PCCA: variants seen among roughly 807,000 people sequenced by gnomAD.
PCCA encodes propionyl-CoA carboxylase subunit alpha, also known as propionyl-CoA carboxylase alpha chain, mitochondrial.
A neutral mutation model predicts 101.3 loss-of-function variants in PCCA; 74 were observed. That is an observed-to-expected ratio of 0.73 (90% confidence interval 0.61 to 0.89). The LOEUF is 0.89. PCCA is among the 40% of genes least tolerant of loss of function. The pLI is 0.00. For missense variants in PCCA, 891 were observed against 907.0 expected, an observed-to-expected ratio of 0.98 and a Z score of 0.23; for synonymous variants, 294 against 313.6, an observed-to-expected ratio of 0.94 and a Z score of 0.66.
intron 4 of PCCA, among the ~76,000 whole-genome samples, chr13:100,118,226 A>C (rs1180217263): frequency 6.6e-6 from 1 of 152,174 alleles, no homozygotes; most frequent in Non-Finnish European, 1.5e-5. Flanking sequence ...CATATCTATA[A>C]TACCTTATGA....
chr13:100,191,769 A>G (rs1566672723), intron 6 of PCCA, among the ~76,000 whole-genome samples: 1 of 152,254 alleles, frequency 6.6e-6, no homozygotes, highest in Admixed American at 6.5e-5. Context: ...CACCCAAGGA[A>G]GTCACGCTGG....
At chr13:100,393,730 T>C (rs1408674150) in intron 19 of PCCA, among the ~76,000 whole-genome samples, 2 of 152,112 alleles carry the variant, frequency 1.3e-5, no homozygotes, top group African/African-American at 4.8e-5. Context: ...TCAAGAGTCT[T>C]AATTGAACAT....
chr13:100,459,677 C>A (rs1327072336), intron 21 of PCCA, among the ~76,000 whole-genome samples: 1 of 152,192 alleles, frequency 6.6e-6, no homozygotes, highest in East Asian at 1.9e-4. Flanking sequence ...GAACAAATTG[C>A]TTGACTGTGG....
chr13:100,216,626 G>A (rs574111728), intron 7 of PCCA, among the ~76,000 whole-genome samples: 9 of 152,196 alleles, frequency 5.9e-5, no homozygotes, highest in African/African-American at 2.2e-4. Flanking sequence ...TTTTATATAC[G>A]TTGCCATTTA....
intron 12 of PCCA, among the ~76,000 whole-genome samples, chr13:100,276,637 CTG>C (rs1355527182): frequency 6.6e-6 from 1 of 151,954 alleles, no homozygotes; most frequent in East Asian, 1.9e-4. Flanking sequence ...ATAATTTCTT[CTG>C]TCTTTCTTAC....
intron 20 of PCCA, among the ~76,000 whole-genome samples, chr13:100,446,720 G>T (rs755596529): frequency 6.6e-6 from 1 of 152,096 alleles, no homozygotes; most frequent in East Asian, 1.9e-4. Flanking sequence ...CCTTTATTAA[G>T]TTCAACATGT....
chr13:100,355,323 T>G (rs535715544), intron 18 of PCCA, among the ~76,000 whole-genome samples: 19 of 152,234 alleles, frequency 1.2e-4, no homozygotes, highest in South Asian at 1.2e-3. Context: ...ATGAGGAGCA[T>G]GTGTAATAAA....
intron 16 of PCCA, among the ~76,000 whole-genome samples, chr13:100,323,159 C>T (rs2068249240): frequency 6.6e-6 from 1 of 152,216 alleles, no homozygotes; most frequent in Admixed American, 6.5e-5. Flanking sequence ...CATATGTAAG[C>T]AAACCAGGCT....
chr13:100,486,390 C>T (rs1261520613), intron 21 of PCCA, among the ~76,000 whole-genome samples: 1 of 152,196 alleles, frequency 6.6e-6, no homozygotes, highest in Non-Finnish European at 1.5e-5. Flanking sequence ...TAACATTCAC[C>T]ACCGTGTCCT....
At chr13:100,514,934 A>T (rs2086721902) in intron 21 of PCCA, among the ~76,000 whole-genome samples, 1 of 152,218 alleles carries the variant, frequency 6.6e-6, no homozygotes, top group Non-Finnish European at 1.5e-5. Flanking sequence ...CAAAATGAAC[A>T]CTGAACCCCA....
intron 21 of PCCA, among the ~76,000 whole-genome samples, chr13:100,474,715 C>T (rs1482738924): frequency 6.6e-6 from 1 of 152,114 alleles, no homozygotes; most frequent in Non-Finnish European, 1.5e-5. Flanking sequence ...TCTCGAACTC[C>T]TAGTCTCAAG....
intron 20 of PCCA, among the ~76,000 whole-genome samples, chr13:100,444,407 T>C (rs1457822478): frequency 1.3e-5 from 2 of 148,414 alleles, no homozygotes; most frequent in Non-Finnish European, 3.0e-5. Context: ...TTTCACCATG[T>C]TGGCCAGGCT....
At chr13:100,178,053 A>G (rs4772269) in intron 6 of PCCA, among the ~76,000 whole-genome samples, 114,329 of 152,056 alleles carry the variant, frequency 0.75, 43,384 homozygotes, top group East Asian at 0.99. Flanking sequence ...CAGTATTCCC[A>G]GACTTCAATT....
Position 100,530,278 on chromosome 13 carries a change from C to A in PCCA, c.*112C>A. ...GAACACCCCTGTGCAGCTACGTTTACGTCGTCATTTATTCCACAGAGTCAA... is the reference window on the plus strand; with the variant it reads ...GAACACCCCTGTGCAGCTACGTTTAAGTCGTCATTTATTCCACAGAGTCAA... On this transcript the variant is annotated 3_prime_UTR_variant, in exon 24 of 24. Coordinates refer to ENST00000376285, the MANE Select transcript of PCCA (RefSeq NM_000282.4). 1 of 871,856 alleles carries A rather than the reference C, an allele frequency of 1.1e-6. No individual in the cohort carries two copies. The highest frequency in any genetic ancestry group is 2.0e-5 in the Admixed American group (1 of 51,048). 54.0% of individuals were successfully genotyped at this position (871,856 alleles called of 1,614,324 possible).
chr13:100,390,315 C>T (rs900213763), intron 19 of PCCA, among the ~76,000 whole-genome samples: 9 of 152,140 alleles, frequency 5.9e-5, no homozygotes, highest in African/African-American at 1.2e-4. Flanking sequence ...AGAGAGGTTA[C>T]GTCTAGAGAA....
In PCCA at chr13:100,308,926, A is replaced by G. The variant is rs921701823; in HGVS notation, c.1354-907A>G. On this transcript the variant is annotated intron_variant, in intron 15 of 23. Transcript: ENST00000376285. Reference sequence around the variant, plus strand: ...TTTCATTGCCAAATTATAGAGATACATATAAGTAGGCACTAAATCATGTAG... The same window carrying G: ...TTTCATTGCCAAATTATAGAGATACGTATAAGTAGGCACTAAATCATGTAG... 4.6e-5 allele frequency among the ~76,000 whole-genome samples: 7 copies of G among 152,316 alleles called. No homozygotes were observed. In the East Asian group the frequency reaches 1.2e-3, roughly 25 times the overall value.
chr13:100,410,524 A>G (rs1002892843), intron 19 of PCCA, among the ~76,000 whole-genome samples: 8 of 152,322 alleles, frequency 5.3e-5, no homozygotes, highest in African/African-American at 1.9e-4. Context: ...TACAGGCTTG[A>G]GCCACCACGC....
At chr13:100,240,277 C>T (rs1306047526) in intron 8 of PCCA, among the ~76,000 whole-genome samples, 1 of 152,090 alleles carries the variant, frequency 6.6e-6, no homozygotes, top group African/African-American at 2.4e-5. Flanking sequence ...CTTTTCTCTC[C>T]AGTCTTATTG....
intron 15 of PCCA, among the ~76,000 whole-genome samples, chr13:100,308,926 A>C (rs921701823): frequency 6.6e-6 from 1 of 152,198 alleles, no homozygotes; most frequent in East Asian, 1.9e-4. Flanking sequence ...ATAGAGATAC[A>C]TATAAGTAGG....
Sources: allele counts gnomAD v4.1 joint callset (sites outside exome capture counted in the v4.1 genomes callset), GRCh38; gene constraint gnomAD v4.1.1; transcripts MANE v1.5; gene names NCBI Gene and HGNC (gene_info 2026-07-23, HGNC 2026-07-21).